Variants in CTNNA3 observed in about 807,000 individuals in gnomAD.
The protein encoded by CTNNA3 is catenin alpha 3.
CTNNA3 carries 76 observed loss-of-function variants against 95.7 expected under a neutral mutation model. That is an observed-to-expected ratio of 0.79 (90% CI 0.66 to 0.96). The LOEUF (loss-of-function observed/expected upper bound fraction) is 0.96, where lower values mean the gene tolerates loss of function less well. Ranked by LOEUF, CTNNA3 falls within the 40% of genes least tolerant of loss-of-function variation. The pLI is 0.00. For synonymous variants in CTNNA3, 431 were observed against 374.4 expected (o/e 1.15, Z -1.74); for missense variants, 1,191 against 1,089.8 (o/e 1.09, Z -1.31).
rs1226520776 is a variant in CTNNA3 at position 66,199,805 on chromosome 10, A to AT, written c.1884+80664dup. Among the ~76,000 whole-genome samples, 69 of 14,274 alleles carry AT rather than the reference A, an allele frequency of 4.8e-3. 4 individuals are homozygous for AT. The highest frequency in any genetic ancestry group is 6.3e-3 in the Non-Finnish European group (58 of 9,206). 9.4% of individuals were successfully genotyped at this position (14,274 alleles called of 152,430 possible). Reference sequence around the variant, plus strand: ...TATATATATATATATATATATATATATTTTTTTTTTTTTTTTTTTTTTTTT... The same window carrying AT: ...TATATATATATATATATATATATATATTTTTTTTTTTTTTTTTTTTTTTTTT... On this transcript the variant is annotated intron_variant, in intron 13 of 17. Coordinates refer to ENST00000433211, the MANE Select transcript of CTNNA3 (RefSeq NM_013266.4).
At chr10:66,986,914 T>C (rs1326820089) in intron 7 of CTNNA3, among the ~76,000 whole-genome samples, 2 of 152,162 alleles carry the variant, frequency 1.3e-5, no homozygotes, top group Non-Finnish European at 2.9e-5. Flanking sequence ...CAAAAATCAC[T>C]GTCTTCATGA....
At chr10:67,193,977 T>C (rs1217930879) in intron 6 of CTNNA3, among the ~76,000 whole-genome samples, 1 of 152,098 alleles carries the variant, frequency 6.6e-6, no homozygotes, top group Non-Finnish European at 1.5e-5. Flanking sequence ...CAACATCTGT[T>C]ATTTTTTTAC....
intron 5 of CTNNA3, among the ~76,000 whole-genome samples, chr10:67,291,545 T>G (rs1052181756): frequency 6.6e-6 from 1 of 152,214 alleles, no homozygotes; most frequent in Non-Finnish European, 1.5e-5. Context: ...CTGTGACCTG[T>G]TCAGAAGCTC....
At chr10:67,010,727 G>A (rs114814378) in intron 7 of CTNNA3, among the ~76,000 whole-genome samples, 250 of 152,214 alleles carry the variant, frequency 1.6e-3, no homozygotes, top group African/African-American at 5.8e-3. Flanking sequence ...AAGAGCTTTC[G>A]ACTCAGCCAA....
chr10:66,798,713 T>C (rs1841309128), intron 7 of CTNNA3, among the ~76,000 whole-genome samples: 1 of 151,668 alleles, frequency 6.6e-6, no homozygotes, highest in Non-Finnish European at 1.5e-5. Context: ...AAAATGATTC[T>C]AGTATCAGTA....
chr10:66,766,177 T>C, intron 9 of CTNNA3, 87 bp downstream of exon 9: 1 of 1,411,144 alleles, frequency 7.1e-7, no homozygotes. Flanking sequence ...TGTCAAAAGT[T>C]TTTATTTAGG....
At chr10:67,341,343 A>G (rs1441306327) in intron 5 of CTNNA3, among the ~76,000 whole-genome samples, 1 of 151,986 alleles carries the variant, frequency 6.6e-6, no homozygotes, top group Non-Finnish European at 1.5e-5. Flanking sequence ...TCACCTCCCC[A>G]CAACTACACT....
At chr10:67,338,337 T>G (rs189486947) in intron 5 of CTNNA3, among the ~76,000 whole-genome samples, 7 of 152,150 alleles carry the variant, frequency 4.6e-5, no homozygotes, top group Admixed American at 1.3e-4. Flanking sequence ...AGATCTCATA[T>G]GAACTCAAAG....
At chr10:66,778,940 C>G (rs900714818) in intron 7 of CTNNA3, among the ~76,000 whole-genome samples, 1 of 152,074 alleles carries the variant, frequency 6.6e-6, no homozygotes, top group African/African-American at 2.4e-5. Context: ...CGCGCCACTG[C>G]ACTCCAGCCT....
intron 1 of CTNNA3, among the ~76,000 whole-genome samples, chr10:67,682,604 G>A (rs1840649141): frequency 6.6e-6 from 1 of 152,096 alleles, no homozygotes; most frequent in Admixed American, 6.6e-5. Context: ...TTCTTGAAGA[G>A]AAATATGACA....
At chr10:66,921,898 T>C (rs1846808537) in intron 7 of CTNNA3, among the ~76,000 whole-genome samples, 1 of 152,188 alleles carries the variant, frequency 6.6e-6, no homozygotes, top group Non-Finnish European at 1.5e-5. Flanking sequence ...TAGCACACAA[T>C]GGTTATTCAA....
intron 10 of CTNNA3, among the ~76,000 whole-genome samples, chr10:66,544,946 T>A (rs1402393772): frequency 2.6e-5 from 4 of 152,116 alleles, no homozygotes; most frequent in Non-Finnish European, 5.9e-5. Context: ...AACCATTATC[T>A]TCTAGTTAGA....
intron 5 of CTNNA3, among the ~76,000 whole-genome samples, chr10:67,419,354 T>C (rs916465079): frequency 6.6e-6 from 1 of 152,206 alleles, no homozygotes; most frequent in Non-Finnish European, 1.5e-5. Flanking sequence ...TATTTTTAAA[T>C]TTATTTTTAA....
At chr10:66,343,854 T>A (rs1315386340) in intron 12 of CTNNA3, among the ~76,000 whole-genome samples, 1 of 151,976 alleles carries the variant, frequency 6.6e-6, no homozygotes. Context: ...TTATTATTTG[T>A]CAATTAAATA....
intron 5 of CTNNA3, among the ~76,000 whole-genome samples, chr10:67,502,822 C>G (rs2133107207): frequency 6.6e-6 from 1 of 152,318 alleles, no homozygotes; most frequent in East Asian, 1.9e-4. Context: ...CTCCCCACAC[C>G]AAGCTCAAGC....
intron 5 of CTNNA3, among the ~76,000 whole-genome samples, chr10:67,366,426 A>C (rs1458194341): frequency 6.6e-6 from 1 of 152,124 alleles, no homozygotes; most frequent in Non-Finnish European, 1.5e-5. Context: ...TAGTCACCTG[A>C]GGTCAGGAGT....
intron 7 of CTNNA3, among the ~76,000 whole-genome samples, chr10:66,992,809 CCTT>C (rs994903230): frequency 6.6e-6 from 1 of 151,942 alleles, no homozygotes; most frequent in African/African-American, 2.4e-5. Context: ...ACTAGTTCTT[CCTT>C]CTTCTCAATT....
intron 9 of CTNNA3, among the ~76,000 whole-genome samples, chr10:66,749,346 A>T (rs1236712841): frequency 6.6e-6 from 1 of 151,980 alleles, no homozygotes; most frequent in Non-Finnish European, 1.5e-5. Flanking sequence ...CTGCCCTAAA[A>T]ATCTTCTGTG....
chr10:66,409,706 T>C (rs1018433223), intron 11 of CTNNA3, among the ~76,000 whole-genome samples: 3 of 152,208 alleles, frequency 2.0e-5, no homozygotes, highest in African/African-American at 4.8e-5. Context: ...ATTTAGTTTA[T>C]GTATTAAACA....
Sources: allele counts gnomAD v4.1 joint callset (sites outside exome capture counted in the v4.1 genomes callset), GRCh38; gene constraint gnomAD v4.1.1; transcripts MANE v1.5; gene names NCBI Gene and HGNC (gene_info 2026-07-23, HGNC 2026-07-21).